The following NKAIN2 variants were observed in gnomAD, a reference collection of about 807,000 sequenced individuals.
NKAIN2 encodes the protein sodium/potassium-transporting ATPase subunit beta-1-interacting protein 2.
Under a neutral mutation model 32.6 loss-of-function variants are expected in NKAIN2, and 14 were observed. The observed-to-expected ratio is 0.43, with a 90% CI of 0.28 to 0.67. The LOEUF is 0.67. NKAIN2 is among the 30% of genes least tolerant of loss of function. The probability of loss-of-function intolerance (pLI) is 0.17; values close to 1 mark genes in which losing one functional copy is unlikely to be tolerated. For synonymous variants in NKAIN2, 80 were observed against 87.2 expected, an observed-to-expected ratio of 0.92 and a Z score of 0.46; for missense variants, 198 against 258.3, an observed-to-expected ratio of 0.77 and a Z score of 1.60.
chr6:124,111,234 T>G (rs1028070564), intron 1 of NKAIN2, among the ~76,000 whole-genome samples: 6 of 152,076 alleles, frequency 3.9e-5, no homozygotes, highest in Non-Finnish European at 7.4e-5. Flanking sequence ...TTTTCTTTAA[T>G]GTTATTCAGA....
chr6:124,490,847 T>C (rs530713298), intron 3 of NKAIN2, among the ~76,000 whole-genome samples: 1 of 151,826 alleles, frequency 6.6e-6, no homozygotes, highest in Non-Finnish European at 1.5e-5. Context: ...TTTTATCTAA[T>C]CACTGTATTA....
At chr6:124,158,241 C>T (rs1049170855) in intron 1 of NKAIN2, among the ~76,000 whole-genome samples, 7 of 152,080 alleles carry the variant, frequency 4.6e-5, no homozygotes, top group South Asian at 2.1e-4. Flanking sequence ...TCCCTGGTGT[C>T]GCTGTGTGTC....
chr6:124,048,728 A>C (rs1260078595), intron 1 of NKAIN2, among the ~76,000 whole-genome samples: 1 of 152,060 alleles, frequency 6.6e-6, no homozygotes, highest in East Asian at 1.9e-4. Flanking sequence ...TTTCATTTTG[A>C]AATAAATAAT....
chr6:124,282,314 C>A, intron 1 of NKAIN2: 1 of 325,282 alleles, frequency 3.1e-6, no homozygotes, highest in South Asian at 2.5e-5. Flanking sequence ...TGTTTGTTTT[C>A]CATTGTTCTA....
intron 3 of NKAIN2, 83 bp downstream of exon 3, chr6:124,355,430 T>G: frequency 2.7e-6 from 2 of 749,866 alleles, no homozygotes; most frequent in Non-Finnish European, 4.7e-6. Flanking sequence ...CATCCTGTTC[T>G]GCTTGCTTAG....
chr6:123,834,452 G>A (rs1306469751), intron 1 of NKAIN2, among the ~76,000 whole-genome samples: 1 of 152,176 alleles, frequency 6.6e-6, no homozygotes, highest in African/African-American at 2.4e-5. Context: ...ACCACACCTG[G>A]CTGTTCCAGG....
chr6:124,680,463 G>A (rs545967442), intron 4 of NKAIN2, among the ~76,000 whole-genome samples: 1 of 152,038 alleles, frequency 6.6e-6, no homozygotes, highest in Non-Finnish European at 1.5e-5. Context: ...GTTTACCTGA[G>A]AATAAATGTT....
chr6:124,228,436 T>C (rs1003725817), intron 1 of NKAIN2, among the ~76,000 whole-genome samples: 2 of 152,188 alleles, frequency 1.3e-5, no homozygotes, highest in African/African-American at 4.8e-5. Context: ...ATAAATTCTC[T>C]TGTTTGTAAG....
At chr6:123,886,847 T>C (rs1401896374) in intron 1 of NKAIN2, among the ~76,000 whole-genome samples, 1 of 152,090 alleles carries the variant, frequency 6.6e-6, no homozygotes, top group Non-Finnish European at 1.5e-5. Context: ...TTTAGACGCG[T>C]TTTTGGAGAA....
At chr6:124,697,854 C>T (rs1239683633) in intron 4 of NKAIN2, among the ~76,000 whole-genome samples, 1 of 152,150 alleles carries the variant, frequency 6.6e-6, no homozygotes, top group Non-Finnish European at 1.5e-5. Flanking sequence ...CTATATCTTA[C>T]ACACTGGCAC....
At chr6:124,461,146 A>G (rs991977724) in intron 3 of NKAIN2, among the ~76,000 whole-genome samples, 4 of 151,908 alleles carry the variant, frequency 2.6e-5, no homozygotes, top group Admixed American at 2.6e-4. Context: ...CTGAGACAAC[A>G]TCTAAAGCTT....
chr6:124,104,663 CAT>C lies in NKAIN2; in HGVS notation c.55-178340_55-178339del, dbSNP rs529889168. Among the ~76,000 whole-genome samples the C allele has an allele frequency of 3.9e-5, 6 of 152,236 alleles. No homozygotes were observed. In the East Asian group the frequency reaches 9.6e-4, roughly 24 times the overall value. On this transcript the variant is annotated intron_variant, in intron 1 of 6. Transcript: ENST00000368417. The stretch of plus-strand genomic sequence containing the variant: ...AGCATCTAAAATAAAGGGAAGGAAA[CAT>C]AATGTTGGAGATTCATGAATGCATA...
intron 1 of NKAIN2, among the ~76,000 whole-genome samples, chr6:123,885,023 A>C (rs1331257776): frequency 6.6e-6 from 1 of 152,158 alleles, no homozygotes; most frequent in Non-Finnish European, 1.5e-5. Flanking sequence ...TTAAATTCAC[A>C]AGGTTTGGTC....
At chr6:124,458,979 C>T (rs796548126) in intron 3 of NKAIN2, among the ~76,000 whole-genome samples, 3 of 151,958 alleles carry the variant, frequency 2.0e-5, no homozygotes, top group African/African-American at 7.2e-5. Context: ...ACTCCAACTT[C>T]TGGGTCAAGC....
At chr6:124,074,983 G>A (rs181229567) in intron 1 of NKAIN2, among the ~76,000 whole-genome samples, 9 of 152,156 alleles carry the variant, frequency 5.9e-5, no homozygotes, top group East Asian at 1.9e-4. Flanking sequence ...ACATACTTAC[G>A]TTAATATTAG....
intron 4 of NKAIN2, among the ~76,000 whole-genome samples, chr6:124,735,041 ACT>A (rs1776868941): frequency 1.3e-5 from 2 of 151,910 alleles, no homozygotes; most frequent in South Asian, 4.1e-4. Context: ...GTCCACACTC[ACT>A]GTTTTTTGAT....
chr6:123,855,340 G>A lies in NKAIN2; in HGVS notation c.54+51086G>A, dbSNP rs145368315. On this transcript the variant is annotated intron_variant, in intron 1 of 6. Coordinates refer to ENST00000368417, the MANE Select transcript of NKAIN2 (RefSeq NM_001040214.3). Reference sequence around the variant, plus strand: ...GTTTTAAGTCTGACATTTAGAACCCGGGTGGCACATAAAAAAATACTGTCA... The same window carrying A: ...GTTTTAAGTCTGACATTTAGAACCCAGGTGGCACATAAAAAAATACTGTCA... 1.5e-4 allele frequency among the ~76,000 whole-genome samples: 23 copies of A among 152,202 alleles called. No individual in the cohort carries two copies. In the East Asian group the frequency reaches 4.1e-3, roughly 27 times the overall value.
At chr6:124,709,574 GTA>G (rs1488405974) in intron 4 of NKAIN2, among the ~76,000 whole-genome samples, 4 of 149,792 alleles carry the variant, frequency 2.7e-5, no homozygotes, top group Admixed American at 6.6e-5. Flanking sequence ...TTGGGAGAGT[GTA>G]TGTGTTGAGG....
intron 1 of NKAIN2, among the ~76,000 whole-genome samples, chr6:123,889,517 G>A (rs1773897222): frequency 6.6e-6 from 1 of 152,240 alleles, no homozygotes; most frequent in African/African-American, 2.4e-5. Flanking sequence ...GTGAATACAC[G>A]ATTCAGAGAA....
Sources: allele counts gnomAD v4.1 joint callset (sites outside exome capture counted in the v4.1 genomes callset), GRCh38; gene constraint gnomAD v4.1.1; transcripts MANE v1.5; gene names NCBI Gene and HGNC (gene_info 2026-07-23, HGNC 2026-07-21).